INSC: variants seen among roughly 807,000 people sequenced by gnomAD.
INSC encodes INSC spindle orientation adaptor protein, also known as protein inscuteable homolog.
In INSC, 67 loss-of-function variants were observed where a neutral mutation model predicts 58.6. The ratio of observed to expected loss-of-function variants is 1.14; its 90% CI spans 0.94 to 1.40. The LOEUF is 1.40. Among genes scored for constraint, INSC ranks in the 40% most tolerant of loss-of-function variants. The probability of loss-of-function intolerance (pLI) is 0.00; values close to 1 mark genes in which losing one functional copy is unlikely to be tolerated. For synonymous variants in INSC, 262 were observed against 276.1 expected (o/e 0.95, Z 0.51); for missense variants, 714 against 692.0 (o/e 1.03, Z -0.36).
intron 12 of INSC, chr11:15,241,790 T>C (rs1590017706): frequency 1.8e-6 from 1 of 570,544 alleles, no homozygotes; most frequent in South Asian, 2.4e-5. Flanking sequence ...TATTTAAGTA[T>C]GTGATATATT....
chr11:15,236,088 G>A lies in INSC; in HGVS notation c.1237+420G>A, dbSNP rs374634400. Reference sequence around the variant, plus strand: ...AAAAAAAAAAAAAAAATAGGTACACGTGTCTCCATGCTTGCCTGAGCATAT... The same window carrying A: ...AAAAAAAAAAAAAAAATAGGTACACATGTCTCCATGCTTGCCTGAGCATAT... On this transcript the variant is annotated intron_variant, in intron 10 of 12. Coordinates refer to ENST00000379556, the MANE Select transcript of INSC (RefSeq NM_001042536.3). Among the ~76,000 whole-genome samples the A allele has an allele frequency of 7.2e-3, 1,074 of 150,202 alleles. 12 individuals carry two copies. Among genetic ancestry groups the A allele is most frequent in the African/African-American group, 0.025 (1,011 of 40,800 alleles).
chr11:15,166,109 C>T (rs1849187282), intron 2 of INSC, among the ~76,000 whole-genome samples: 1 of 152,176 alleles, frequency 6.6e-6, no homozygotes, highest in Non-Finnish European at 1.5e-5. Flanking sequence ...CTGAGAGATA[C>T]TGCTTAATGT....
chr11:15,241,086 C>T (rs932367234), intron 12 of INSC, among the ~76,000 whole-genome samples: 1 of 152,116 alleles, frequency 6.6e-6, no homozygotes, highest in Admixed American at 6.5e-5. Context: ...AAGTCCCCAC[C>T]CAACTTCTTT....
downstream of INSC, among the ~76,000 whole-genome samples, chr11:15,249,710 A>G (rs1017194003): frequency 6.6e-6 from 1 of 152,190 alleles, no homozygotes; most frequent in Admixed American, 6.5e-5. Flanking sequence ...AGTGTGCTCC[A>G]GGGAAAGGTA....
chr11:15,149,970 T>C (rs916009806), intron 2 of INSC, among the ~76,000 whole-genome samples: 10 of 152,218 alleles, frequency 6.6e-5, no homozygotes, highest in Non-Finnish European at 1.2e-4. Context: ...AGCAAATCAA[T>C]TGGGAGGAAG....
intron 10 of INSC, among the ~76,000 whole-genome samples, chr11:15,236,505 A>G (rs1382318742): frequency 6.6e-6 from 1 of 152,214 alleles, no homozygotes; most frequent in Non-Finnish European, 1.5e-5. Flanking sequence ...TTGAGCCCTC[A>G]CTGAGTGCAT....
intron 12 of INSC, among the ~76,000 whole-genome samples, chr11:15,242,985 C>G (rs1215704876): frequency 2.0e-5 from 3 of 152,214 alleles, no homozygotes; most frequent in Admixed American, 6.5e-5. Flanking sequence ...GTCTCCAGCA[C>G]TGACTCATGG....
chr11:15,253,232 T>G, the INSC span, among the ~76,000 whole-genome samples: 1 of 152,158 alleles, frequency 6.6e-6, no homozygotes, highest in Non-Finnish European at 1.5e-5. Flanking sequence ...ATTTTTTTGC[T>G]TGGGGTAAGG....
chr11:15,186,147 C>A (rs1327724588), intron 5 of INSC, among the ~76,000 whole-genome samples: 1 of 152,200 alleles, frequency 6.6e-6, no homozygotes, highest in African/African-American at 2.4e-5. Context: ...TTCCCGAATT[C>A]TGAGTCCACG....
At chr11:15,232,018 A>G (rs1486549822) in intron 9 of INSC, among the ~76,000 whole-genome samples, 1 of 152,156 alleles carries the variant, frequency 6.6e-6, no homozygotes, top group Non-Finnish European at 1.5e-5. Context: ...TCACAGGGAC[A>G]TTTCTTCTCG....
At chr11:15,238,889 GGTACCAACT>G (rs756575985) in intron 10 of INSC, 21 bp from the exon 11 acceptor site, 1 of 1,604,788 alleles carries the variant, frequency 6.2e-7, no homozygotes, top group South Asian at 1.1e-5. Flanking sequence ...TGCTGGGGTA[GGTACCAACT>G]GTTCCTTGCT....
chr11:15,117,528 A>G (rs1847760978), intron 1 of INSC, among the ~76,000 whole-genome samples: 1 of 152,346 alleles, frequency 6.6e-6, no homozygotes, highest in Middle Eastern at 3.4e-3. Flanking sequence ...AGTCCATCAT[A>G]TGGCTCTGTT....
At chr11:15,149,010 A>T in intron 1 of INSC, 120 bp from the exon 2 acceptor site, 1 of 1,200,676 alleles carries the variant, frequency 8.3e-7, no homozygotes, top group South Asian at 2.3e-5. Flanking sequence ...ACAGAAGAAG[A>T]GGGCTAAGAA....
intron 1 of INSC, among the ~76,000 whole-genome samples, chr11:15,134,226 G>GC (rs1848189085): frequency 6.6e-6 from 1 of 152,172 alleles, no homozygotes; most frequent in Non-Finnish European, 1.5e-5. Context: ...GATTTAAGAT[G>GC]CTATATATTG....
chr11:15,226,119 C>T (rs1300613064), intron 9 of INSC, among the ~76,000 whole-genome samples: 1 of 152,068 alleles, frequency 6.6e-6, no homozygotes, highest in Admixed American at 6.5e-5. Flanking sequence ...GATCTCCTAC[C>T]TGCTTTGCCC....
At chr11:15,139,803 GC>G (rs1848326754) in intron 1 of INSC, among the ~76,000 whole-genome samples, 1 of 152,216 alleles carries the variant, frequency 6.6e-6, no homozygotes, top group South Asian at 2.1e-4. Context: ...GGCTAAAAGG[GC>G]CAACCAGGCC....
chr11:15,208,673 C>T (rs542936603), intron 7 of INSC, among the ~76,000 whole-genome samples: 1 of 152,324 alleles, frequency 6.6e-6, no homozygotes, highest in Admixed American at 6.5e-5. Flanking sequence ...TGCGCCTTTC[C>T]CGCCAGGTCC....
intron 5 of INSC, among the ~76,000 whole-genome samples, chr11:15,183,455 G>GTGTGTA (rs1849855108): frequency 6.6e-6 from 1 of 151,398 alleles, no homozygotes; most frequent in African/African-American, 2.4e-5. Flanking sequence ...GTGTGTGTGT[G>GTGTGTA]TGTATGTGTG....
chr11:15,199,492 GCTT>G (rs1850495906), intron 6 of INSC, among the ~76,000 whole-genome samples: 1 of 152,326 alleles, frequency 6.6e-6, no homozygotes, highest in South Asian at 2.1e-4. Flanking sequence ...CCCGTGCTGG[GCTT>G]CTTCTTCCAA....
Sources: gnomAD v4.1 joint callset for allele counts (sites outside exome capture counted in the v4.1 genomes callset) on GRCh38, gnomAD v4.1.1 for gene constraint, MANE v1.5 for transcripts, NCBI Gene and HGNC (gene_info 2026-07-23, HGNC 2026-07-21) for gene names.